ELP2: variants seen among roughly 807,000 people sequenced by gnomAD.
The protein encoded by ELP2 is elongator complex protein 2.
Under a neutral mutation model 119.2 loss-of-function variants are expected in ELP2, and 90 were observed. The observed-to-expected ratio is 0.75, with a 90% confidence interval of 0.64 to 0.90. The LOEUF (loss-of-function observed/expected upper bound fraction) is 0.90, where lower values mean the gene tolerates loss of function less well. ELP2 is among the 40% of genes least tolerant of loss of function. ELP2 has a pLI of 0.00. For missense variants in ELP2, 921 were observed against 967.8 expected, an observed-to-expected ratio of 0.95 and a Z score of 0.64; for synonymous variants, 339 against 331.0, an observed-to-expected ratio of 1.02 and a Z score of -0.26.
chr18:36,134,530 C>G (rs910213754), intron 2 of ELP2, among the ~76,000 whole-genome samples: 4 of 152,048 alleles, frequency 2.6e-5, no homozygotes, highest in Non-Finnish European at 4.4e-5. Flanking sequence ...CATCATAGAA[C>G]CCATTGTTAT....
chr18:36,174,741 T>G lies in ELP2; in HGVS notation c.*100T>G, dbSNP rs1179742562. 8.1e-6 allele frequency: 10 copies of G among 1,234,428 alleles called. No individual in the cohort carries two copies. Among genetic ancestry groups the G allele is most frequent in the Middle Eastern group, 2.3e-4 (1 of 4,404 alleles). 76.5% of individuals were successfully genotyped at this position (1,234,428 alleles called of 1,614,324 possible). A position where few individuals can be genotyped will look rare whatever the true frequency, so the allele number is the denominator to read the frequency against. On this transcript the variant is annotated 3_prime_UTR_variant, in exon 22 of 22. Transcript: ENST00000358232. ...CATAACTGAATTGAGTTTCTGGGTT[T>G]TTTTTTTTTTTGAGATGGAGTCTTG... is the stretch of plus-strand genomic sequence containing the variant.
Position 36,130,075 on chromosome 18 carries a change from A to AG in ELP2, c.138+5dup. The AG allele has an allele frequency of 6.2e-7, 1 of 1,614,090 alleles. No homozygotes were observed. ...CGTGGTGCTCTATGACCCCCTGGTA[A>AG]GAGAGGTCGCTGGACGGCCGACCCT... On this transcript the variant is annotated splice_donor_region_variant and intron_variant, in intron 1 of 21. Transcript: ENST00000358232.
At chr18:36,156,737 G>T in intron 13 of ELP2, 83 bp downstream of exon 13, 2 of 1,201,848 alleles carry the variant, frequency 1.7e-6, no homozygotes, top group Non-Finnish European at 2.4e-6. Context: ...GCTTTAAATG[G>T]AATATATGGG....
chr18:36,138,369 A>C lies in ELP2; in HGVS notation c.388A>C (p.Ile130Leu). Residue 130 changes from isoleucine to leucine, a missense_variant, in exon 4 of 22, where the codon ATC becomes CTC. Transcript: ENST00000358232. ...RTSDPALCTL[I>L]VSAAADSAVR... ...ATCAGATCCTGCATTATGTACACTG[A>C]TCGTTTCTGCAGCTGCAGATTCTGC... The C allele has an allele frequency of 6.2e-7, 1 of 1,614,126 alleles. No homozygotes were observed. The highest frequency in any genetic ancestry group is 8.5e-7 in the Non-Finnish European group (1 of 1,180,002).
rs775338772 is a variant in ELP2 at position 36,158,840 on chromosome 18, T to C, written c.1470T>C (p.Asp490=). Reference sequence around the variant, plus strand: ...TATTATATTTTCTATTCTAGCAAGATAGTGATCTTCCAGAAGGAGCCACTG... The same window carrying C: ...TATTATATTTTCTATTCTAGCAAGACAGTGATCTTCCAGAAGGAGCCACTG... The part of the protein sequence containing the change: ...QSLNHVLCNQ[D]SDLPEGATVP... The change falls in exon 14 of 22, where the codon GAT becomes GAC. Residue 490 remains aspartate (D), a synonymous_variant. Coordinates refer to ENST00000358232, the MANE Select transcript of ELP2 (RefSeq NM_018255.4). The C allele has an allele frequency of 4.4e-6, 7 of 1,592,272 alleles. No homozygotes were observed. The Admixed American group carries it at 1.2e-4, about 27-fold the overall frequency.
At chr18:36,151,742 GTTTTTTTTTTTT>G (rs71166098) in intron 11 of ELP2, among the ~76,000 whole-genome samples, 45,174 of 111,454 alleles carry the variant, frequency 0.41, 7,681 homozygotes, top group Middle Eastern at 0.51. Context: ...GTTCTGTTCT[GTTTTTTTTTTTT>G]TTTTTTTTTT....
intron 11 of ELP2, among the ~76,000 whole-genome samples, chr18:36,149,595 A>G (rs1343049091): frequency 6.6e-6 from 1 of 151,406 alleles, no homozygotes; most frequent in Non-Finnish European, 1.5e-5. Flanking sequence ...TAAATTAAAA[A>G]AAAAATTTTT....
intron 2 of ELP2, 132 bp downstream of exon 2, chr18:36,133,448 A>G: frequency 1.4e-6 from 1 of 720,342 alleles, no homozygotes; most frequent in Non-Finnish European, 2.5e-6. Flanking sequence ...GAAACAAGAA[A>G]AATGGTATTC....
At chr18:36,169,829 A>G (rs896583125) in intron 19 of ELP2, 1 of 562,768 alleles carries the variant, frequency 1.8e-6, no homozygotes, top group African/African-American at 1.9e-5. Flanking sequence ...CTGGGCAGGA[A>G]CGCTTTGTCT....
chr18:36,174,414 G>T, intron 21 of ELP2, 71 bp from the exon 22 acceptor site: 1 of 1,475,168 alleles, frequency 6.8e-7, no homozygotes, highest in South Asian at 1.2e-5. Flanking sequence ...CAATTTTCAG[G>T]TTTTAACTTC....
intron 11 of ELP2, among the ~76,000 whole-genome samples, chr18:36,150,073 T>C (rs968806606): frequency 6.6e-6 from 1 of 152,180 alleles, no homozygotes; most frequent in Non-Finnish European, 1.5e-5. Flanking sequence ...TCAGTTTCAG[T>C]TCCTGTCAAG....
chr18:36,139,309 G>A, intron 5 of ELP2: 1 of 1,078,810 alleles, frequency 9.3e-7, no homozygotes, highest in Non-Finnish European at 1.3e-6. Context: ...CTTAAAATCT[G>A]CAAACAGAAA....
Position 36,179,194 on chromosome 18 carries a change from G to C in ELP2, c.*4553G>C, listed in dbSNP as rs2091283308. ...TCTGGGACCCGGGCCGGGCGTGGTG[G>C]CTCATGCCTGTAATCCCAGCAATTT... On this transcript the variant is annotated 3_prime_UTR_variant, in exon 22 of 22. Coordinates refer to ENST00000358232, the MANE Select transcript of ELP2 (RefSeq NM_018255.4). The C allele has an allele frequency of 6.6e-6, 1 of 151,850 alleles. No homozygotes were observed. The highest frequency in any genetic ancestry group is 1.5e-5 in the Non-Finnish European group (1 of 68,042). The allele number at this position is 151,850 out of a possible 1,614,324, so 9.4% of individuals were successfully genotyped here.
chr18:36,158,543 A>C, intron 13 of ELP2: 1 of 296,940 alleles, frequency 3.4e-6, no homozygotes. Flanking sequence ...TTGAAATGTT[A>C]TGGTTCGATG....
chr18:36,138,491 A>G, intron 4 of ELP2, 65 bp downstream of exon 4: 1 of 1,495,116 alleles, frequency 6.7e-7, no homozygotes, highest in Non-Finnish European at 9.3e-7. Flanking sequence ...TGACGAGTAG[A>G]AGAGCATATA....
chr18:36,164,397 CAA>C (rs967844251), intron 17 of ELP2, 76 bp from the exon 18 acceptor site: 32 of 1,363,018 alleles, frequency 2.3e-5, no homozygotes, highest in South Asian at 1.9e-4. Flanking sequence ...CTCATAGAAA[CAA>C]TGTGTTGTTT....
Position 36,174,617 on chromosome 18 carries a change from C to A in ELP2, c.2457C>A (p.His819Gln), listed in dbSNP as rs2091179333. The change falls in exon 22 of 22, where the codon CAC becomes CAA. Residue 819 changes from histidine (H) to glutamine (Q), a missense_variant. Transcript: ENST00000358232. ...SCGEDHTVKI[H>Q]RVNKCAL The stretch of plus-strand genomic sequence containing the variant: ...GTGAAGATCACACTGTGAAGATACA[C>A]AGAGTCAATAAATGTGCACTGTAAT... 6.2e-7 allele frequency: 1 copy of A among 1,614,108 alleles called. No individual in the cohort carries two copies.
chr18:36,174,850 A>ACC lies in ELP2; in HGVS notation c.*209_*210insCC, dbSNP rs200460851. ...TAGCTGGGACTAGAGGCACACCACCAATTCCGGCTAATTTTTGTATTTTTA... is the reference window on the plus strand; with the variant it reads ...TAGCTGGGACTAGAGGCACACCACCACCATTCCGGCTAATTTTTGTATTTTTA... On this transcript the variant is annotated 3_prime_UTR_variant, in exon 22 of 22. Coordinates refer to ENST00000358232, the MANE Select transcript of ELP2 (RefSeq NM_018255.4). 2 of 531,922 alleles carry ACC rather than the reference A, an allele frequency of 3.8e-6. No homozygotes were observed. The highest frequency in any genetic ancestry group is 6.7e-6 in the Non-Finnish European group (2 of 298,782). The allele number at this position is 531,922 out of a possible 1,614,324, so 33.0% of individuals were successfully genotyped here. A position where few individuals can be genotyped will look rare whatever the true frequency, so the allele number is the denominator to read the frequency against.
rs550544574 is a variant in ELP2 at position 36,148,757 on chromosome 18, T to C, written c.1125+2376T>C. ...TGGGTATCGTTGCAGGCGCCTGTGGTCGCAGCTACTTGGGAAGCTGACGCA... is the reference window on the plus strand; with the variant it reads ...TGGGTATCGTTGCAGGCGCCTGTGGCCGCAGCTACTTGGGAAGCTGACGCA... On this transcript the variant is annotated intron_variant, in intron 11 of 21. Transcript: ENST00000358232. Among the ~76,000 whole-genome samples the C allele has an allele frequency of 2.6e-5, 4 of 152,250 alleles. No homozygotes were observed. In the East Asian group the frequency reaches 7.8e-4, roughly 30 times the overall value.
Sources: gnomAD v4.1 joint callset for allele counts (sites outside exome capture counted in the v4.1 genomes callset) on GRCh38, gnomAD v4.1.1 for gene constraint, MANE v1.5 for transcripts, NCBI Gene and HGNC (gene_info 2026-07-23, HGNC 2026-07-21) for gene names.